The following GABRB1 variants were observed in gnomAD, a reference collection of about 807,000 sequenced individuals.
GABRB1 encodes the protein gamma-aminobutyric acid type A receptor subunit beta1.
In GABRB1, 17 loss-of-function variants were observed where a neutral mutation model predicts 51.6. The observed-to-expected ratio is 0.33, with a 90% CI of 0.23 to 0.49. The LOEUF (loss-of-function observed/expected upper bound fraction) is 0.49, where lower values mean the gene tolerates loss of function less well. Among genes scored for constraint, GABRB1 ranks in the 20% least tolerant of loss-of-function variants. The probability of loss-of-function intolerance (pLI) is 0.99; values close to 1 mark genes in which losing one functional copy is unlikely to be tolerated. For missense variants in GABRB1, 410 were observed against 600.6 expected, an observed-to-expected ratio of 0.68 and a Z score of 3.32; for synonymous variants, 247 against 218.9, an observed-to-expected ratio of 1.13 and a Z score of -1.14.
chr4:47,149,274 T>A (rs1458429588), intron 3 of GABRB1, among the ~76,000 whole-genome samples: 1 of 152,012 alleles, frequency 6.6e-6, no homozygotes, highest in African/African-American at 2.4e-5. Flanking sequence ...AGAATGAAAA[T>A]GTGTATTATT....
Position 47,285,849 on chromosome 4 carries a change from A to G in GABRB1, c.462-34278A>G, listed in dbSNP as rs952445871. On this transcript the variant is annotated intron_variant, in intron 4 of 8. Coordinates refer to ENST00000295454, the MANE Select transcript of GABRB1 (RefSeq NM_000812.4). ...TTGAAGACCCATTTTTCACCCATGC[A>G]CCACCCAAATTGTTTTTTATGTATG... Among the ~76,000 whole-genome samples the G allele has an allele frequency of 2.0e-5, 3 of 152,218 alleles. No homozygotes were observed. In the East Asian group the frequency reaches 5.8e-4, roughly 29 times the overall value.
intron 4 of GABRB1, among the ~76,000 whole-genome samples, chr4:47,172,587 T>C (rs974559872): frequency 6.6e-6 from 1 of 151,006 alleles, no homozygotes; most frequent in Non-Finnish European, 1.5e-5. Flanking sequence ...TTTAATGAAG[T>C]AGGCCTTGCA....
At chr4:47,205,874 T>C (rs964640305) in intron 4 of GABRB1, among the ~76,000 whole-genome samples, 3 of 152,088 alleles carry the variant, frequency 2.0e-5, no homozygotes, top group Non-Finnish European at 2.9e-5. Flanking sequence ...GGTTTTACTA[T>C]TTGTTCAGAG....
intron 8 of GABRB1, among the ~76,000 whole-genome samples, chr4:47,416,209 G>A (rs1469461339): frequency 6.6e-6 from 1 of 152,158 alleles, no homozygotes; most frequent in African/African-American, 2.4e-5. Flanking sequence ...GAGAAACATA[G>A]CAGGTGAAAA....
intron 5 of GABRB1, among the ~76,000 whole-genome samples, chr4:47,322,130 G>A (rs1284266206): frequency 3.3e-5 from 5 of 152,102 alleles, no homozygotes; most frequent in African/African-American, 9.7e-5. Context: ...GTGGGGAAGG[G>A]ATGAGGGAAG....
chr4:47,403,192 ACCACCCTAGTTTAAAGCAATG>A, intron 5 of GABRB1, 105 bp from the exon 6 acceptor site: 1 of 930,074 alleles, frequency 1.1e-6, no homozygotes, highest in Non-Finnish European at 1.6e-6. Flanking sequence ...AGACCTGCAT[ACCACCCTAGTTTAAAGCAATG>A]CCACCTTACC....
intron 1 of GABRB1, among the ~76,000 whole-genome samples, chr4:47,011,643 T>C (rs1042934010): frequency 1.3e-5 from 2 of 152,176 alleles, no homozygotes; most frequent in Admixed American, 6.5e-5. Flanking sequence ...TGATTAAGCC[T>C]TGCTTCACTT....
At chr4:47,370,449 T>G (rs1004774488) in intron 5 of GABRB1, among the ~76,000 whole-genome samples, 3 of 148,730 alleles carry the variant, frequency 2.0e-5, no homozygotes, top group Non-Finnish European at 4.4e-5. Flanking sequence ...ATCGCGCCAC[T>G]GCATTCCAGC....
At chr4:47,195,434 A>AGAT (rs1210748159) in intron 4 of GABRB1, among the ~76,000 whole-genome samples, 11 of 117,890 alleles carry the variant, frequency 9.3e-5, no homozygotes, top group East Asian at 2.8e-4. Flanking sequence ...ATAGATAGAT[A>AGAT]GATAGATAGA....
At chr4:47,416,264 C>A (rs1476172692) in intron 8 of GABRB1, among the ~76,000 whole-genome samples, 1 of 152,062 alleles carries the variant, frequency 6.6e-6, no homozygotes, top group Non-Finnish European at 1.5e-5. Flanking sequence ...AAAATAAGGC[C>A]TGTGTGGCTG....
intron 3 of GABRB1, among the ~76,000 whole-genome samples, chr4:47,148,534 ATAAC>A (rs1185413346): frequency 6.6e-6 from 1 of 152,082 alleles, no homozygotes; most frequent in African/African-American, 2.4e-5. Context: ...AGTTGCTACT[ATAAC>A]TAATGATTAA....
chr4:47,349,451 A>G (rs1189068284), intron 5 of GABRB1, among the ~76,000 whole-genome samples: 1 of 152,222 alleles, frequency 6.6e-6, no homozygotes, highest in African/African-American at 2.4e-5. Flanking sequence ...AATTTCAGTT[A>G]CCCAGGGTCA....
chr4:47,200,716 C>T (rs921921887), intron 4 of GABRB1, among the ~76,000 whole-genome samples: 5 of 152,122 alleles, frequency 3.3e-5, no homozygotes, highest in South Asian at 2.1e-4. Flanking sequence ...AATAGTTGTT[C>T]GAATATGTGC....
intron 5 of GABRB1, among the ~76,000 whole-genome samples, chr4:47,389,340 A>G (rs1296959829): frequency 6.6e-6 from 1 of 152,044 alleles, no homozygotes; most frequent in Non-Finnish European, 1.5e-5. Context: ...TCTTATTGTG[A>G]CCTTCTAGGT....
chr4:47,246,373 T>G, intron 4 of GABRB1, among the ~76,000 whole-genome samples: 1 of 41,246 alleles, frequency 2.4e-5, no homozygotes, highest in African/African-American at 1.4e-4. Flanking sequence ...TATATATATA[T>G]ATATATATAT....
chr4:47,001,813 A>G (rs1351713388), intron 1 of GABRB1, among the ~76,000 whole-genome samples: 1 of 152,246 alleles, frequency 6.6e-6, no homozygotes, highest in Non-Finnish European at 1.5e-5. Flanking sequence ...ACGGGGATAT[A>G]AAATTAAATG....
intron 4 of GABRB1, among the ~76,000 whole-genome samples, chr4:47,187,321 G>A (rs1404393825): frequency 6.6e-6 from 1 of 151,780 alleles, no homozygotes; most frequent in Admixed American, 6.6e-5. Flanking sequence ...ACATACCTTA[G>A]GGATGATTAC....
chr4:47,261,518 A>G (rs1259971749), intron 4 of GABRB1, among the ~76,000 whole-genome samples: 4 of 152,214 alleles, frequency 2.6e-5, no homozygotes, highest in African/African-American at 9.6e-5. Context: ...GAGAACTACA[A>G]ACCACTGCTC....
At chr4:47,293,010 A>G (rs867350312) in intron 4 of GABRB1, among the ~76,000 whole-genome samples, 8 of 152,244 alleles carry the variant, frequency 5.3e-5, no homozygotes, top group African/African-American at 1.9e-4. Context: ...ACACTCTGCA[A>G]TATTTATATC....
Sources: gnomAD v4.1 joint callset for allele counts (sites outside exome capture counted in the v4.1 genomes callset) on GRCh38, gnomAD v4.1.1 for gene constraint, MANE v1.5 for transcripts, NCBI Gene and HGNC (gene_info 2026-07-23, HGNC 2026-07-21) for gene names.